The following ANKRD30A variants were observed in gnomAD, a reference collection of about 807,000 sequenced individuals.
ANKRD30A encodes the protein ankyrin repeat domain-containing protein 30A.
ANKRD30A carries 170 observed loss-of-function variants against 166.3 expected under a neutral mutation model. That is an observed-to-expected ratio of 1.02 (90% confidence interval 0.90 to 1.16). The LOEUF (loss-of-function observed/expected upper bound fraction) is 1.16. Among genes scored for constraint, ANKRD30A ranks in the 50% most tolerant of loss-of-function variants. The probability of loss-of-function intolerance (pLI) is 0.00; values close to 1 mark genes in which losing one functional copy is unlikely to be tolerated. For missense variants in ANKRD30A, 1,630 were observed against 1,518.0 expected (o/e 1.07, Z -1.23); for synonymous variants, 564 against 508.9 (o/e 1.11, Z -1.46).
At chr10:37,247,548 G>A in the ANKRD30A span, among the ~76,000 whole-genome samples, 2 of 151,800 alleles carry the variant, frequency 1.3e-5, no homozygotes, top group Non-Finnish European at 2.9e-5. Flanking sequence ...CTTTGCAGAG[G>A]GCAGAGGGTG....
rs565467850 is a variant in ANKRD30A at position 37,145,456 on chromosome 10, A to G, written c.1455+400A>G. On this transcript the variant is annotated intron_variant, in intron 8 of 35. Transcript: ENST00000361713. The stretch of plus-strand genomic sequence containing the variant: ...CGTGCCATTGCACTCAGATCGGGCC[A>G]TTGCACTCCAGTCTGGGTGACAGAG... 2.8e-3 allele frequency among the ~76,000 whole-genome samples: 430 copies of G among 152,274 alleles called. 2 individuals carry two copies. The highest frequency in any genetic ancestry group is 4.8e-3 in the Non-Finnish European group (327 of 68,024).
At chr10:37,194,041 C>T (rs1474457250) in intron 27 of ANKRD30A, among the ~76,000 whole-genome samples, 1 of 151,976 alleles carries the variant, frequency 6.6e-6, no homozygotes, top group Non-Finnish European at 1.5e-5. Flanking sequence ...CTAAACATAA[C>T]AAAAAGTAGC....
chr10:37,157,185 C>T (rs1270018353), intron 13 of ANKRD30A, among the ~76,000 whole-genome samples: 1 of 152,104 alleles, frequency 6.6e-6, no homozygotes, highest in African/African-American at 2.4e-5. Flanking sequence ...TTTATAAGAG[C>T]TTATTCATAA....
intron 31 of ANKRD30A, among the ~76,000 whole-genome samples, chr10:37,204,158 A>G (rs566419146): frequency 2.2e-4 from 34 of 152,336 alleles, no homozygotes; most frequent in Non-Finnish European, 4.4e-4. Flanking sequence ...ATATGGAACC[A>G]AAAAAGAGCC....
rs144342215 is a variant in ANKRD30A, at chr10:37,178,737, G to A, written c.2421+2519G>A. On this transcript the variant is annotated intron_variant, in intron 24 of 35. Transcript: ENST00000361713. The stretch of plus-strand genomic sequence containing the variant: ...GGAAAAAATAATTTTAACAGGTGTC[G>A]AATGGGAAGAATCAAGAGCACAAGT... Among the ~76,000 whole-genome samples the A allele has an allele frequency of 2.9e-3, 432 of 149,778 alleles. 15 individuals are homozygous for A. Among genetic ancestry groups the A allele is most frequent in the African/African-American group, 0.01 (424 of 41,058 alleles).
chr10:37,142,335 G>C lies in ANKRD30A; in HGVS notation c.1393+45G>C, dbSNP rs377204199. On this transcript the variant is annotated intron_variant, in intron 7 of 35. Transcript: ENST00000361713. ...TTTGTAAGGTTTATTGGCACTTCAG[G>C]TTCCCTAGTGAAAAAAGTGTGATAT... 34 of 1,516,040 alleles carry C rather than the reference G, an allele frequency of 2.2e-5. 1 individual carries two copies. In the East Asian group the frequency reaches 7.7e-4, roughly 34 times the overall value. 93.9% of individuals were successfully genotyped at this position (1,516,040 alleles called of 1,614,324 possible).
At chr10:37,172,062 G>A (rs1410082024) in intron 21 of ANKRD30A, among the ~76,000 whole-genome samples, 2 of 141,868 alleles carry the variant, frequency 1.4e-5, no homozygotes, top group African/African-American at 5.4e-5. Flanking sequence ...TTAAAAAATG[G>A]TGACCGGGTG....
chr10:37,205,098 G>A (rs1228404935), intron 31 of ANKRD30A, among the ~76,000 whole-genome samples: 1 of 152,086 alleles, frequency 6.6e-6, no homozygotes, highest in Non-Finnish European at 1.5e-5. Context: ...CCCATTACTG[G>A]TTATATACCC....
chr10:37,190,299 G>A (rs1279525250), intron 25 of ANKRD30A, among the ~76,000 whole-genome samples: 3 of 151,902 alleles, frequency 2.0e-5, no homozygotes, highest in South Asian at 4.2e-4. Flanking sequence ...GTCCTTGGAC[G>A]TTGCTCTGGG....
intron 24 of ANKRD30A, among the ~76,000 whole-genome samples, chr10:37,179,013 AATAT>A (rs139390228): frequency 0.031 from 3,556 of 114,722 alleles, 6 homozygotes; most frequent in South Asian, 0.045. Flanking sequence ...TGAGGCGTCA[AATAT>A]ATATATATAT....
At chr10:37,212,392 A>T (rs998382741) in intron 31 of ANKRD30A, among the ~76,000 whole-genome samples, 1 of 152,094 alleles carries the variant, frequency 6.6e-6, no homozygotes, top group African/African-American at 2.4e-5. Context: ...ATGGAAGAAC[A>T]TTCCACGCTT....
chr10:37,225,192 T>A (rs1843093007), intron 34 of ANKRD30A, among the ~76,000 whole-genome samples: 1 of 151,428 alleles, frequency 6.6e-6, no homozygotes, highest in Non-Finnish European at 1.5e-5. Flanking sequence ...CCTTTATCTG[T>A]CATATATGCT....
the ANKRD30A span, among the ~76,000 whole-genome samples, chr10:37,262,732 C>T: frequency 6.6e-6 from 1 of 152,050 alleles, no homozygotes; most frequent in African/African-American, 2.4e-5. Context: ...TTGCTTGGCA[C>T]CTAATACACC....
rs1341017627 is a variant in ANKRD30A, at chr10:37,165,572, C to T, written c.2064+417C>T. Among the ~76,000 whole-genome samples, 4 of 151,868 alleles carry T rather than the reference C, an allele frequency of 2.6e-5. 1 individual carries two copies. In the South Asian group the frequency reaches 8.3e-4, roughly 32 times the overall value. ...AACTGCAATATTGTAAAAGTTGGGA[C>T]CTGAAAATTTAATGCCTGGGACTTG... On this transcript the variant is annotated intron_variant, in intron 18 of 35. Coordinates refer to ENST00000361713, the MANE Select transcript of ANKRD30A (RefSeq NM_052997.3).
rs1283355145 is a variant in ANKRD30A, at chr10:37,125,671, G to A, written c.-117G>A. 1.1e-5 allele frequency: 5 copies of A among 445,798 alleles called. No individual in the cohort carries two copies. Among genetic ancestry groups the A allele is most frequent in the Non-Finnish European group, 2.1e-5 (5 of 241,214 alleles). The allele number at this position is 445,798 out of a possible 1,614,324, so 27.6% of individuals were successfully genotyped here. ...CTTGGCGAACACAGAACTTTTTACG[G>A]GTATCGAGGCGGTGCGTGGACTGAA... On this transcript the variant is annotated 5_prime_UTR_variant, in exon 1 of 36. Coordinates refer to ENST00000361713, the MANE Select transcript of ANKRD30A (RefSeq NM_052997.3).
At position 37,141,844 on chromosome 10, in the gene ANKRD30A, C is replaced by T. The variant is rs767487436; in HGVS notation, c.947C>T (p.Thr316Met). The T allele has an allele frequency of 7.5e-5, 120 of 1,608,432 alleles. No individual in the cohort carries two copies. The highest frequency in any genetic ancestry group is 2.4e-4 in the Admixed American group (14 of 59,342). Residue 316 changes from threonine to methionine, a missense_variant, in exon 7 of 36, where the codon ACG (threonine) becomes ATG (methionine). By Grantham distance (81) the Thr-to-Met change is moderately conservative. Transcript: ENST00000361713. Reference sequence around the variant, plus strand: ...CCCTTGGTGGAAAGAACACCTGACACGGCTGAAAGCTTGGTGGAAAAAACA... The same window carrying T: ...CCCTTGGTGGAAAGAACACCTGACATGGCTGAAAGCTTGGTGGAAAAAACA... ...AAPLVERTPDTAESLVEKTPD... is the reference protein window; with the variant it reads ...AAPLVERTPDMAESLVEKTPD...
the ANKRD30A span, among the ~76,000 whole-genome samples, chr10:37,246,605 C>T: frequency 6.6e-6 from 1 of 152,206 alleles, no homozygotes; most frequent in East Asian, 1.9e-4. Context: ...AGCAATTCTC[C>T]TACTTCGGCC....
intron 25 of ANKRD30A, among the ~76,000 whole-genome samples, chr10:37,192,038 A>C (rs927373568): frequency 6.7e-6 from 1 of 149,526 alleles, no homozygotes; most frequent in African/African-American, 2.6e-5. Flanking sequence ...TTCACATTAC[A>C]TGTTTTTTCT....
At chr10:37,152,187 G>A in intron 12 of ANKRD30A, 66 bp downstream of exon 12, 1 of 1,341,290 alleles carries the variant, frequency 7.5e-7, no homozygotes, top group Non-Finnish European at 1.0e-6. Flanking sequence ...AAAGGCAGAG[G>A]CTTAGGCTTT....
Sources: allele counts gnomAD v4.1 joint callset (sites outside exome capture counted in the v4.1 genomes callset), GRCh38; gene constraint gnomAD v4.1.1; transcripts MANE v1.5; gene names NCBI Gene and HGNC (gene_info 2026-07-23, HGNC 2026-07-21).